PPP2R2B: variants seen among roughly 807,000 people sequenced by gnomAD.
The protein encoded by PPP2R2B is serine/threonine-protein phosphatase 2A 55 kDa regulatory subunit B beta isoform.
In PPP2R2B, 5 loss-of-function variants were observed where a neutral mutation model predicts 46.0. That is an observed-to-expected ratio of 0.11 (90% CI 0.06 to 0.23). The LOEUF (loss-of-function observed/expected upper bound fraction) is 0.23, where lower values mean the gene tolerates loss of function less well. Ranked by LOEUF, PPP2R2B falls within the 10% of genes least tolerant of loss-of-function variation. The pLI, the probability that PPP2R2B is intolerant of heterozygous loss-of-function variation, is 1.00. For synonymous variants in PPP2R2B, 215 were observed against 206.7 expected (o/e 1.04, Z -0.34); for missense variants, 367 against 575.0 (o/e 0.64, Z 3.70).
intron 7 of PPP2R2B, among the ~76,000 whole-genome samples, chr5:146,616,181 T>C (rs926048357): frequency 2.6e-5 from 4 of 152,114 alleles, no homozygotes; most frequent in African/African-American, 4.8e-5. Flanking sequence ...TGGATATCCA[T>C]ATGCAAAAGA....
At chr5:146,705,614 C>T (rs182434187) in intron 2 of PPP2R2B, among the ~76,000 whole-genome samples, 1 of 152,292 alleles carries the variant, frequency 6.6e-6, no homozygotes, top group East Asian at 1.9e-4. Context: ...TGGTCTCCTT[C>T]TTGGGTCCTG....
intron 2 of PPP2R2B, among the ~76,000 whole-genome samples, chr5:146,758,587 T>C (rs1011648616): frequency 2.0e-5 from 3 of 152,180 alleles, no homozygotes; most frequent in African/African-American, 7.2e-5. Context: ...CCCATTAAGT[T>C]GGCTCCATGA....
intron 5 of PPP2R2B, among the ~76,000 whole-genome samples, chr5:146,672,301 G>T (rs1242311168): frequency 6.6e-6 from 1 of 152,118 alleles, no homozygotes; most frequent in Non-Finnish European, 1.5e-5. Flanking sequence ...CCACACAATT[G>T]CCCCTGGGTA....
chr5:146,780,749 T>C (rs192549059), intron 2 of PPP2R2B, among the ~76,000 whole-genome samples: 3 of 152,278 alleles, frequency 2.0e-5, no homozygotes, highest in Admixed American at 2.0e-4. Flanking sequence ...CAGTTGCTAG[T>C]CCATGAGTCC....
intron 2 of PPP2R2B, among the ~76,000 whole-genome samples, chr5:147,061,746 T>C (rs1009565053): frequency 6.6e-6 from 1 of 152,034 alleles, no homozygotes; most frequent in African/African-American, 2.4e-5. Flanking sequence ...GCTGCTACCA[T>C]GCAGCAGGGG....
At chr5:147,073,991 G>A (rs1008374761) in intron 2 of PPP2R2B, among the ~76,000 whole-genome samples, 2 of 151,066 alleles carry the variant, frequency 1.3e-5, no homozygotes, top group Non-Finnish European at 2.9e-5. Flanking sequence ...AGCCAAGATC[G>A]CGCCACTGCA....
chr5:146,655,910 T>C (rs1209532711), intron 5 of PPP2R2B, among the ~76,000 whole-genome samples: 1 of 84,738 alleles, frequency 1.2e-5, no homozygotes, highest in Non-Finnish European at 2.4e-5. Flanking sequence ...AGGTGGGGGG[T>C]AGGGAGGGGA....
chr5:146,870,787 A>T (rs1279184936), intron 2 of PPP2R2B, among the ~76,000 whole-genome samples: 1 of 151,766 alleles, frequency 6.6e-6, no homozygotes, highest in African/African-American at 2.4e-5. Context: ...ACAGACCCCC[A>T]CCCCACTTCA....
chr5:146,924,329 A>G (rs1763710266), intron 1 of PPP2R2B, among the ~76,000 whole-genome samples: 1 of 152,244 alleles, frequency 6.6e-6, no homozygotes, highest in Non-Finnish European at 1.5e-5. Context: ...GCACAAAGTC[A>G]GCACAAATAA....
At chr5:146,785,684 G>C (rs1755789411) in intron 2 of PPP2R2B, among the ~76,000 whole-genome samples, 1 of 152,150 alleles carries the variant, frequency 6.6e-6, no homozygotes, top group Non-Finnish European at 1.5e-5. Context: ...AATCAGAATG[G>C]AGTAATTTTT....
chr5:146,972,356 C>G (rs1052637126), intron 1 of PPP2R2B, among the ~76,000 whole-genome samples: 7 of 152,138 alleles, frequency 4.6e-5, no homozygotes, highest in African/African-American at 1.7e-4. Flanking sequence ...TAAAGTTACT[C>G]TTTTTCCCTT....
chr5:146,923,868 C>T (rs374002867), intron 1 of PPP2R2B, among the ~76,000 whole-genome samples: 2 of 152,170 alleles, frequency 1.3e-5, no homozygotes, highest in African/African-American at 2.4e-5. Flanking sequence ...GGTACATATA[C>T]ACCGTGGACT....
At position 146,596,443 on chromosome 5, in the gene PPP2R2B, A is replaced by G. The variant is rs552144127; in HGVS notation, c.961-3381T>C. On this transcript the variant is annotated intron_variant, in intron 8 of 9. Transcript: ENST00000394411. ...AATTTCTTTCCCACTGGACCTCACA[A>G]TCTATCATGGTGTTCTGGAGGCTCA... Among the ~76,000 whole-genome samples the G allele has an allele frequency of 1.1e-4, 16 of 151,928 alleles. No homozygotes were observed. In the East Asian group the frequency reaches 1.4e-3, roughly 13 times the overall value.
At chr5:146,592,261 A>G in intron 9 of PPP2R2B, 1 of 343,774 alleles carries the variant, frequency 2.9e-6, no homozygotes, top group Non-Finnish European at 5.7e-6. Flanking sequence ...AGTGTGAGAG[A>G]GAGACAGTTC....
intron 2 of PPP2R2B, among the ~76,000 whole-genome samples, chr5:146,745,936 C>A (rs529051073): frequency 2.0e-5 from 3 of 148,894 alleles, no homozygotes; most frequent in African/African-American, 7.5e-5. Context: ...CCAGCCTGGG[C>A]GACAGAGAGA....
intron 5 of PPP2R2B, among the ~76,000 whole-genome samples, chr5:146,657,322 C>T (rs751269238): frequency 3.3e-5 from 5 of 151,944 alleles, no homozygotes; most frequent in Non-Finnish European, 5.9e-5. Context: ...AGGCAAGACT[C>T]GGAGAAGAGA....
At chr5:146,643,625 AC>A (rs1775375476) in intron 6 of PPP2R2B, among the ~76,000 whole-genome samples, 1 of 152,154 alleles carries the variant, frequency 6.6e-6, no homozygotes. Context: ...ATAAAAGACT[AC>A]AAATTGGGTT....
rs1283453173 is a variant in PPP2R2B at position 146,712,099 on chromosome 5, A to G, written c.71-10957T>C. On this transcript the variant is annotated intron_variant, in intron 2 of 9. Transcript: ENST00000394411. ...TTTCCTCCTAAAACATGAGGTCCCG[A>G]TGTCAAACAAAATAAATATGTTGCT... Among the ~76,000 whole-genome samples, 10 of 152,356 alleles carry G rather than the reference A, an allele frequency of 6.6e-5. No individual in the cohort carries two copies. In the East Asian group the frequency reaches 1.9e-3, roughly 29 times the overall value.
rs559116071 is a variant in PPP2R2B, at chr5:146,649,680, C to A, written c.625+867G>T. ...GGCTAAGCTGGTCTTAAACCTCTGA[C>A]CTGAAGCAATCCACCTACCTAGGCC... On this transcript the variant is annotated intron_variant, in intron 6 of 9. Transcript: ENST00000394411. 7.2e-5 allele frequency among the ~76,000 whole-genome samples: 11 copies of A among 152,198 alleles called. 1 individual carries two copies. The East Asian group carries it at 1.7e-3, about 24-fold the overall frequency.
Sources: gnomAD v4.1 joint callset for allele counts (sites outside exome capture counted in the v4.1 genomes callset) on GRCh38, gnomAD v4.1.1 for gene constraint, MANE v1.5 for transcripts, NCBI Gene and HGNC (gene_info 2026-07-23, HGNC 2026-07-21) for gene names.